Variants in DLG2 observed in about 807,000 individuals in gnomAD.
DLG2 encodes the protein discs large MAGUK scaffold protein 2.
DLG2 carries 45 observed loss-of-function variants against 132.5 expected under a neutral mutation model. That is an observed-to-expected ratio of 0.34 (90% CI 0.27 to 0.44). DLG2 has a LOEUF of 0.44. Ranked by LOEUF, DLG2 falls within the 20% of genes least tolerant of loss-of-function variation. The pLI is 1.00. For missense variants in DLG2, 1,045 were observed against 1,196.9 expected (o/e 0.87, Z 1.87); for synonymous variants, 424 against 419.6 (o/e 1.01, Z -0.13).
chr11:85,456,429 T>C (rs1010442016), intron 3 of DLG2, among the ~76,000 whole-genome samples: 2 of 152,172 alleles, frequency 1.3e-5, no homozygotes, highest in Admixed American at 1.3e-4. Context: ...CCTGGATTTA[T>C]TGATCTTTTG....
intron 18 of DLG2, among the ~76,000 whole-genome samples, chr11:83,696,503 G>C (rs550795836): frequency 1.3e-5 from 2 of 152,192 alleles, no homozygotes; most frequent in South Asian, 4.2e-4. Flanking sequence ...TCACAGTTTT[G>C]GGCATCTTGA....
At chr11:84,476,926 G>A (rs890358353) in intron 7 of DLG2, among the ~76,000 whole-genome samples, 1 of 152,148 alleles carries the variant, frequency 6.6e-6, no homozygotes, top group Admixed American at 6.6e-5. Context: ...ACAGAAGCAT[G>A]AGAGATAATA....
chr11:84,923,508 A>C (rs2092860498), intron 6 of DLG2: 1 of 1,034,550 alleles, frequency 9.7e-7, no homozygotes, highest in Non-Finnish European at 1.2e-6. Context: ...AAATTTAACC[A>C]ATGAGTTACT....
At chr11:84,386,706 A>G (rs1408765137) in intron 7 of DLG2, among the ~76,000 whole-genome samples, 2 of 152,122 alleles carry the variant, frequency 1.3e-5, no homozygotes, top group Non-Finnish European at 2.9e-5. Flanking sequence ...TGCAAATCCA[A>G]TGTCACGAAC....
At chr11:85,312,469 T>C (rs1441565809) in intron 3 of DLG2, among the ~76,000 whole-genome samples, 2 of 151,556 alleles carry the variant, frequency 1.3e-5, no homozygotes, top group Non-Finnish European at 3.0e-5. Flanking sequence ...AAACTTACCA[T>C]ATTTAACATT....
At chr11:84,784,358 AAATAAATAAATT>A (rs1247259933) in intron 6 of DLG2, among the ~76,000 whole-genome samples, 2 of 132,238 alleles carry the variant, frequency 1.5e-5, no homozygotes, top group African/African-American at 2.6e-5. Context: ...ATAAATAAAT[AAATAAATAAATT>A]AAACAAGAGT....
rs2088755814 is a variant in DLG2, at chr11:83,455,263, T to C, written c.*4555A>G. ...CTTAACAGGAGTGTAAGCTGTGCAG[T>C]GTCTCTGTAAACTCCAGCCTAGGCA... On this transcript the variant is annotated 3_prime_UTR_variant, in exon 28 of 28. Transcript: ENST00000376104. 6.6e-6 allele frequency: 1 copy of C among 152,644 alleles called. No homozygotes were observed. Among genetic ancestry groups the C allele is most frequent in the Non-Finnish European group, 1.5e-5 (1 of 68,042 alleles). 9.5% of individuals were successfully genotyped at this position (152,644 alleles called of 1,614,324 possible).
chr11:84,564,325 T>G (rs888913741), intron 6 of DLG2, among the ~76,000 whole-genome samples: 1 of 152,284 alleles, frequency 6.6e-6, no homozygotes, highest in South Asian at 2.1e-4. Flanking sequence ...CTGTCAGCAC[T>G]GAACTGTGGA....
At chr11:83,646,150 C>T (rs1237692595) in intron 18 of DLG2, among the ~76,000 whole-genome samples, 1 of 152,088 alleles carries the variant, frequency 6.6e-6, no homozygotes, top group African/African-American at 2.4e-5. Context: ...CAGCAGGTTT[C>T]TATTTGGCAC....
intron 8 of DLG2, among the ~76,000 whole-genome samples, chr11:84,181,109 T>C (rs961416745): frequency 4.6e-5 from 7 of 151,956 alleles, no homozygotes; most frequent in Admixed American, 3.9e-4. Context: ...TGCTTATATA[T>C]ACACACATAT....
At chr11:83,991,580 A>G (rs1367093649) in intron 11 of DLG2, among the ~76,000 whole-genome samples, 2 of 151,478 alleles carry the variant, frequency 1.3e-5, no homozygotes, top group Non-Finnish European at 1.5e-5. Flanking sequence ...CTTAGCCTCA[A>G]TGCTTTTCTT....
intron 3 of DLG2, among the ~76,000 whole-genome samples, chr11:85,516,518 A>G (rs577577491): frequency 2.0e-5 from 3 of 152,214 alleles, no homozygotes; most frequent in African/African-American, 4.8e-5. Context: ...TGTAAATGTA[A>G]ACAAAAGTGA....
intron 18 of DLG2, among the ~76,000 whole-genome samples, chr11:83,731,898 C>T (rs1038542195): frequency 4.6e-5 from 7 of 152,202 alleles, no homozygotes; most frequent in Non-Finnish European, 1.0e-4. Flanking sequence ...AAAGGGTTAT[C>T]ATTAAATTAG....
chr11:84,746,192 G>A (rs1242530045), intron 6 of DLG2, among the ~76,000 whole-genome samples: 2 of 148,316 alleles, frequency 1.3e-5, no homozygotes, highest in Non-Finnish European at 3.0e-5. Flanking sequence ...GCTTAGTCAA[G>A]ACTTGAGAAT....
At chr11:84,849,442 C>T (rs571951052) in intron 6 of DLG2, among the ~76,000 whole-genome samples, 8 of 152,256 alleles carry the variant, frequency 5.3e-5, no homozygotes, top group African/African-American at 1.9e-4. Context: ...TCCTTTCCTA[C>T]ATATACAACC....
chr11:83,627,340 T>C (rs555589176), intron 19 of DLG2, among the ~76,000 whole-genome samples: 51 of 152,226 alleles, frequency 3.4e-4, no homozygotes, highest in African/African-American at 1.2e-3. Flanking sequence ...GTATATCTCC[T>C]AATGCTATCC....
At chr11:84,834,923 A>G (rs1229125301) in intron 6 of DLG2, among the ~76,000 whole-genome samples, 2 of 151,382 alleles carry the variant, frequency 1.3e-5, no homozygotes, top group African/African-American at 2.4e-5. Context: ...AATTTTTGGG[A>G]AAAAATCTGA....
At chr11:84,585,093 A>AT (rs1390639059) in intron 6 of DLG2, among the ~76,000 whole-genome samples, 3 of 151,842 alleles carry the variant, frequency 2.0e-5, no homozygotes, top group African/African-American at 2.4e-5. Context: ...ATTATGCTAT[A>AT]TTTTTTCTAA....
intron 7 of DLG2, among the ~76,000 whole-genome samples, chr11:84,384,778 A>G (rs2098762492): frequency 6.6e-6 from 1 of 152,070 alleles, no homozygotes; most frequent in South Asian, 2.1e-4. Flanking sequence ...GTAAAACTGG[A>G]ACTGGGTGCT....
Sources: allele counts gnomAD v4.1 joint callset (sites outside exome capture counted in the v4.1 genomes callset), GRCh38; gene constraint gnomAD v4.1.1; transcripts MANE v1.5; gene names NCBI Gene and HGNC (gene_info 2026-07-23, HGNC 2026-07-21).